PXDN: variants seen among roughly 807,000 people sequenced by gnomAD.
PXDN encodes peroxidasin.
In PXDN, 77 loss-of-function variants were observed where a neutral mutation model predicts 140.3. The ratio of observed to expected loss-of-function variants is 0.55; its 90% CI spans 0.46 to 0.66. The LOEUF (loss-of-function observed/expected upper bound fraction) is 0.66, where lower values mean the gene tolerates loss of function less well. PXDN is among the 30% of genes least tolerant of loss of function. The pLI is 0.00. For missense variants in PXDN, 1,838 were observed against 2,039.5 expected (o/e 0.90, Z 1.90); for synonymous variants, 911 against 857.4 (o/e 1.06, Z -1.09).
At chr2:1,710,946 C>A (rs1346213971) in intron 1 of PXDN, among the ~76,000 whole-genome samples, 5 of 130,512 alleles carry the variant, frequency 3.8e-5, no homozygotes, top group Admixed American at 3.1e-4. Flanking sequence ...TCTATGAACA[C>A]CCGCTCCACC....
At chr2:1,656,419 C>T (rs1301533390) in intron 14 of PXDN, among the ~76,000 whole-genome samples, 1 of 152,260 alleles carries the variant, frequency 6.6e-6, no homozygotes, top group African/African-American at 2.4e-5. Context: ...TTGACAGACG[C>T]TGACACAGCC....
intron 1 of PXDN, among the ~76,000 whole-genome samples, chr2:1,734,136 G>A (rs543990677): frequency 9.2e-5 from 14 of 152,038 alleles, no homozygotes; most frequent in Non-Finnish European, 1.9e-4. Context: ...TATACCGCTC[G>A]GATATTTCAG....
chr2:1,692,437 TG>T (rs960350212), intron 2 of PXDN: 1 of 467,476 alleles, frequency 2.1e-6, no homozygotes, highest in Non-Finnish European at 4.4e-6. Context: ...GACAAGGGCC[TG>T]GGGTGAGAGA....
intron 1 of PXDN, among the ~76,000 whole-genome samples, chr2:1,725,842 G>A (rs1013900603): frequency 1.2e-4 from 19 of 152,100 alleles, no homozygotes; most frequent in African/African-American, 4.6e-4. Flanking sequence ...CATCATCACT[G>A]GCCATCAGAG....
chr2:1,687,526 A>G lies in PXDN; in HGVS notation c.416+106T>C, dbSNP rs1378985413. On this transcript the variant is annotated intron_variant, in intron 4 of 22. Coordinates refer to ENST00000252804, the MANE Select transcript of PXDN (RefSeq NM_012293.3). The surrounding 1 kb of genome is among the most constrained non-coding windows in gnomAD (Gnocchi z 4.0). ...ACGTACTCCCCGCACCTCAGGTAGC[A>G]TAGTCATGCATCATGCAAACAGCTA... 1.3e-6 allele frequency: 1 copy of G among 783,246 alleles called. No homozygotes were observed. The highest frequency in any genetic ancestry group is 1.7e-5 in the African/African-American group (1 of 57,376). 48.5% of individuals were successfully genotyped at this position (783,246 alleles called of 1,614,324 possible).
At chr2:1,739,451 C>G (rs974504965) in intron 1 of PXDN, among the ~76,000 whole-genome samples, 2 of 152,166 alleles carry the variant, frequency 1.3e-5, no homozygotes, top group African/African-American at 4.8e-5. Flanking sequence ...CTTTTTACAA[C>G]TATTTCCTTG....
At chr2:1,736,881 T>A (rs1332337762) in intron 1 of PXDN, among the ~76,000 whole-genome samples, 1 of 152,164 alleles carries the variant, frequency 6.6e-6, no homozygotes, top group Non-Finnish European at 1.5e-5. Context: ...TGGACAAAGG[T>A]CAAATCAGGT....
At chr2:1,733,323 C>A (rs1313074289) in intron 1 of PXDN, among the ~76,000 whole-genome samples, 5 of 152,090 alleles carry the variant, frequency 3.3e-5, no homozygotes, top group Non-Finnish European at 5.9e-5. Context: ...TATCATAATC[C>A]AATTGCTCCA....
intron 17 of PXDN, among the ~76,000 whole-genome samples, chr2:1,645,391 C>T (rs921013755): frequency 2.0e-5 from 3 of 152,158 alleles, no homozygotes; most frequent in Non-Finnish European, 4.4e-5. Context: ...TCTTAGAACT[C>T]GACTACGCAG....
intron 12 of PXDN, 23 bp from the exon 13 acceptor site, chr2:1,662,207 C>A (rs1424768085): frequency 6.4e-7 from 1 of 1,553,020 alleles, no homozygotes; most frequent in South Asian, 1.2e-5. Flanking sequence ...TGTAGAGAAT[C>A]CAGGAGAACG....
intron 3 of PXDN, 73 bp downstream of exon 3, chr2:1,691,855 C>T (rs1255864767): frequency 2.0e-5 from 19 of 970,974 alleles, no homozygotes; most frequent in African/African-American, 6.9e-5. Context: ...ATAAGCAGCA[C>T]GAAATTTAGC....
rs377182882 is a variant in PXDN at position 1,666,255 on chromosome 2, T to C, written c.1250A>G (p.Asn417Ser). 2 of 1,613,830 alleles carry C rather than the reference T, an allele frequency of 1.2e-6. No individual in the cohort carries two copies. Among genetic ancestry groups the C allele is most frequent in the African/African-American group, 2.7e-5 (2 of 74,908 alleles). The change falls in exon 10 of 23, where the codon AAC becomes AGC. Residue 417 changes from asparagine to serine, a missense_variant. By Grantham distance (46) the Asn-to-Ser change is conservative. This residue lies in a region of PXDN where 537 missense variants were observed against 583.9 expected (regional missense o/e 0.92). Transcript: ENST00000252804. ...AGCGGTGGCATGGACGCTGTCAATG[T>C]TGTTGGTCGCAGAGCACGCATACTC... ...SGEYACSATN[N>S]IDSVHATAFI... is the part of the protein sequence containing the mutation.
intron 1 of PXDN, among the ~76,000 whole-genome samples, chr2:1,741,245 ACTTTAT>A (rs1325419408): frequency 4.6e-5 from 7 of 152,200 alleles, no homozygotes; most frequent in African/African-American, 1.4e-4. Flanking sequence ...ACAACGGCAT[ACTTTAT>A]CTTTAATACT....
chr2:1,718,085 G>A (rs550775598), intron 1 of PXDN, among the ~76,000 whole-genome samples: 17 of 137,114 alleles, frequency 1.2e-4, no homozygotes, highest in African/African-American at 3.3e-4. Context: ...TCCACTAACC[G>A]ACCACCCAAA....
intron 1 of PXDN, among the ~76,000 whole-genome samples, chr2:1,711,889 G>A (rs563758876): frequency 1.7e-4 from 26 of 152,286 alleles, no homozygotes; most frequent in Middle Eastern, 3.4e-3. Flanking sequence ...TCTCTCAGGA[G>A]GCAGGAGGCT....
chr2:1,638,304 T>G (rs1170435674), intron 21 of PXDN, among the ~76,000 whole-genome samples: 1 of 151,954 alleles, frequency 6.6e-6, no homozygotes, highest in African/African-American at 2.4e-5. Flanking sequence ...AAAGCAGAAG[T>G]AAGTTCCTGG....
intron 1 of PXDN, among the ~76,000 whole-genome samples, chr2:1,722,653 A>G (rs376755867): frequency 6.6e-6 from 1 of 152,382 alleles, no homozygotes; most frequent in African/African-American, 2.4e-5. Context: ...TTCTGAACTT[A>G]GGAGAAAAGA....
chr2:1,636,088 T>G, intron 21 of PXDN: 1 of 205,530 alleles, frequency 4.9e-6, no homozygotes, highest in Non-Finnish European at 9.8e-6. Flanking sequence ...GAGGTGACCT[T>G]GGGAAGAGGC....
rs1396405667 is a variant in PXDN at position 1,641,942 on chromosome 2, T to C, written c.3952+1426A>G. Among the ~76,000 whole-genome samples the C allele has an allele frequency of 2.0e-5, 3 of 152,220 alleles. No homozygotes were observed. In the South Asian group the frequency reaches 6.2e-4, roughly 32 times the overall value. On this transcript the variant is annotated intron_variant, in intron 19 of 22. Transcript: ENST00000252804. Reference sequence around the variant, plus strand: ...TACAAACAGAACAAATTTTCTACCATGCTTGTAGAAAAGCATTTTGAATTG... The same window carrying C: ...TACAAACAGAACAAATTTTCTACCACGCTTGTAGAAAAGCATTTTGAATTG...
Sources: gnomAD v4.1 joint callset for allele counts (sites outside exome capture counted in the v4.1 genomes callset) on GRCh38, gnomAD v4.1.1 for gene constraint, gnomAD v4.1.1 regional missense constraint, Gnocchi (gnomAD v3.1) non-coding constraint, MANE v1.5 for transcripts, NCBI Gene and HGNC (gene_info 2026-07-23, HGNC 2026-07-21) for gene names.